USP39: variants seen among roughly 807,000 people sequenced by gnomAD.
USP39 encodes the protein ubiquitin carboxyl-terminal hydrolase 39.
In USP39, 38 loss-of-function variants were observed where a neutral mutation model predicts 66.4. The observed-to-expected ratio is 0.57, with a 90% CI of 0.44 to 0.75. The LOEUF (loss-of-function observed/expected upper bound fraction) is 0.75. USP39 is among the 30% of genes least tolerant of loss of function. The pLI, the probability that USP39 is intolerant of heterozygous loss-of-function variation, is 0.00. For synonymous variants in USP39, 303 were observed against 274.6 expected (o/e 1.10, Z -1.02); for missense variants, 608 against 714.4 (o/e 0.85, Z 1.70).
At chr2:85,638,017 G>C (rs1484051741) in intron 8 of USP39, among the ~76,000 whole-genome samples, 1 of 148,606 alleles carries the variant, frequency 6.7e-6, no homozygotes, top group Admixed American at 6.7e-5. Context: ...CTTCCTAGAT[G>C]GTCTTAGAGC....
chr2:85,637,936 A>T (rs948012941), intron 8 of USP39, among the ~76,000 whole-genome samples: 2 of 152,122 alleles, frequency 1.3e-5, no homozygotes, highest in African/African-American at 2.4e-5. Context: ...ACCTCAGGTG[A>T]TCTACCTGCC....
At chr2:85,619,728 A>G (rs1460654401) in intron 2 of USP39, among the ~76,000 whole-genome samples, 2 of 152,032 alleles carry the variant, frequency 1.3e-5, no homozygotes, top group East Asian at 1.9e-4. Flanking sequence ...ATGTTTTACA[A>G]TAATATAATT....
upstream of USP39, chr2:85,607,429 C>T (rs1350169490): frequency 1.3e-5 from 2 of 152,192 alleles, no homozygotes; most frequent in African/African-American, 4.8e-5. Flanking sequence ...GAACTGAGCC[C>T]AGGATTGGTA....
chr2:85,609,657 C>T (rs1673376770), upstream of USP39: 2 of 1,566,796 alleles, frequency 1.3e-6, no homozygotes, highest in African/African-American at 1.4e-5. Context: ...AGAGATGCTG[C>T]AGGAAAATAT....
At position 85,648,997 on chromosome 2, in the gene USP39, C is replaced by T. The variant is rs1476258655; in HGVS notation, c.*189C>T. On this transcript the variant is annotated 3_prime_UTR_variant, in exon 13 of 13. Transcript: ENST00000323701. ...GGCCCCACACTGTCACTCAGCTGTTCTTTGATCATTTTTTTCTAGATTGAT... is the reference window on the plus strand; with the variant it reads ...GGCCCCACACTGTCACTCAGCTGTTTTTTGATCATTTTTTTCTAGATTGAT... The T allele has an allele frequency of 1.5e-6, 1 of 671,786 alleles. No homozygotes were observed. The highest frequency in any genetic ancestry group is 2.7e-6 in the Non-Finnish European group (1 of 376,792). 41.6% of individuals were successfully genotyped at this position (671,786 alleles called of 1,614,324 possible).
intron 1 of USP39, among the ~76,000 whole-genome samples, chr2:85,605,880 C>T (rs1232661928): frequency 1.3e-5 from 2 of 152,206 alleles, no homozygotes; most frequent in African/African-American, 4.8e-5. Context: ...CAGGGAAAAG[C>T]ATTTGTTGGC....
upstream of USP39, chr2:85,612,351 T>G: frequency 6.5e-7 from 1 of 1,536,088 alleles, no homozygotes; most frequent in Non-Finnish European, 8.7e-7. Flanking sequence ...CCTTCCCATC[T>G]TTTTTCTGGT....
upstream of USP39, among the ~76,000 whole-genome samples, chr2:85,613,723 G>A (rs765559720): frequency 7.2e-5 from 11 of 152,118 alleles, no homozygotes; most frequent in Non-Finnish European, 1.5e-4. Flanking sequence ...TTTTTGTGGG[G>A]GTTCTCTGGG....
intron 8 of USP39, among the ~76,000 whole-genome samples, chr2:85,638,129 C>G (rs1194877943): frequency 2.0e-5 from 3 of 152,120 alleles, no homozygotes; most frequent in Non-Finnish European, 4.4e-5. Flanking sequence ...TCAAACCATT[C>G]TCCTGCCTCA....
At chr2:85,605,679 C>T (rs1053012721) in intron 1 of USP39, among the ~76,000 whole-genome samples, 1 of 152,150 alleles carries the variant, frequency 6.6e-6, no homozygotes, top group Admixed American at 6.5e-5. Context: ...ACACAAAGCC[C>T]TCATTTAAAT....
chr2:85,630,599 T>C, intron 5 of USP39, 122 bp from the exon 6 acceptor site: 1 of 849,010 alleles, frequency 1.2e-6, no homozygotes, highest in South Asian at 1.7e-5. Context: ...CCATTTACTT[T>C]TGGCTCTTTA....
intron 3 of USP39, among the ~76,000 whole-genome samples, chr2:85,623,250 A>G (rs1201795054): frequency 6.6e-6 from 1 of 151,908 alleles, no homozygotes; most frequent in Non-Finnish European, 1.5e-5. Flanking sequence ...ATATGTATGT[A>G]TTTATGTTTA....
chr2:85,624,162 C>T (rs1015018595), intron 4 of USP39, among the ~76,000 whole-genome samples: 1 of 152,134 alleles, frequency 6.6e-6, no homozygotes, highest in African/African-American at 2.4e-5. Context: ...TTAACATACG[C>T]CGTGGCCAGA....
Position 85,640,988 on chromosome 2 carries a change from TAC to T in USP39, c.1299_1300del (p.Tyr433Ter). 1 of 1,611,396 alleles carries T rather than the reference TAC, an allele frequency of 6.2e-7. No homozygotes were observed. Among genetic ancestry groups the T allele is most frequent in the Non-Finnish European group, 8.5e-7 (1 of 1,179,408 alleles). ...NGITEKEYKT[Y>X]KENFLKRFQL... ...TTTCTTTCTCTAGGAATATAAGACTTACAAGGAGAACTTTCTGAAGCGCTTCC... is the reference window on the plus strand; with the variant it reads ...TTTCTTTCTCTAGGAATATAAGACTTAAGGAGAACTTTCTGAAGCGCTTCC... On this transcript the variant is annotated frameshift_variant, in exon 10 of 13. Transcript: ENST00000323701. LOFTEE classifies it high-confidence loss of function.
chr2:85,618,058 A>G (rs1347364687), intron 1 of USP39, among the ~76,000 whole-genome samples: 1 of 151,940 alleles, frequency 6.6e-6, no homozygotes, highest in East Asian at 2.0e-4. Context: ...GGTTCAAGCA[A>G]TTCTCCTGTC....
intron 10 of USP39, among the ~76,000 whole-genome samples, chr2:85,644,431 T>C (rs550875721): frequency 2.0e-5 from 3 of 152,306 alleles, no homozygotes; most frequent in African/African-American, 7.2e-5. Context: ...TGAAAGTTCT[T>C]CTTCCTTTTG....
chr2:85,619,652 C>G (rs1027600116), intron 2 of USP39, among the ~76,000 whole-genome samples: 2 of 151,442 alleles, frequency 1.3e-5, no homozygotes, highest in Non-Finnish European at 2.9e-5. Context: ...TTTACCTCAT[C>G]ATAGCATTCT....
intron 1 of USP39, among the ~76,000 whole-genome samples, chr2:85,617,582 T>C (rs559227206): frequency 2.0e-5 from 3 of 152,280 alleles, no homozygotes; most frequent in African/African-American, 4.8e-5. Flanking sequence ...ACACCTGTAA[T>C]CGCAGCTACT....
upstream of USP39, chr2:85,609,555 A>G (rs1558838221): frequency 1.2e-6 from 2 of 1,614,204 alleles, no homozygotes; most frequent in Non-Finnish European, 1.7e-6. Flanking sequence ...CGGACTCTTC[A>G]TAGTCTGGGT....
Sources: allele counts gnomAD v4.1 joint callset (sites outside exome capture counted in the v4.1 genomes callset), GRCh38; gene constraint gnomAD v4.1.1; transcripts MANE v1.5; gene names NCBI Gene and HGNC (gene_info 2026-07-23, HGNC 2026-07-21).